Variants in MMP16 observed in about 807,000 individuals in gnomAD.
The protein encoded by MMP16 is matrix metalloproteinase-16.
A neutral mutation model predicts 67.8 loss-of-function variants in MMP16; 12 were observed. The ratio of observed to expected loss-of-function variants is 0.18; its 90% CI spans 0.11 to 0.29. The LOEUF (loss-of-function observed/expected upper bound fraction) is 0.29. MMP16 is among the 10% of genes least tolerant of loss of function. MMP16 has a pLI of 1.00. For missense variants in MMP16, 475 were observed against 765.7 expected, an observed-to-expected ratio of 0.62 and a Z score of 4.48; for synonymous variants, 249 against 255.9, an observed-to-expected ratio of 0.97 and a Z score of 0.26.
chr8:88,059,188 T>C (rs1329511419), intron 7 of MMP16, among the ~76,000 whole-genome samples: 2 of 152,064 alleles, frequency 1.3e-5, no homozygotes, highest in Non-Finnish European at 2.9e-5. Context: ...AAATTTAGGA[T>C]GTGTTGAGAT....
chr8:88,201,644 T>C (rs1428005717), intron 1 of MMP16, among the ~76,000 whole-genome samples: 4 of 152,182 alleles, frequency 2.6e-5, no homozygotes, highest in Non-Finnish European at 5.9e-5. Context: ...TATAATTAAC[T>C]GACTTTCTCA....
At chr8:88,256,327 C>A (rs1272502033) in intron 1 of MMP16, among the ~76,000 whole-genome samples, 5 of 152,050 alleles carry the variant, frequency 3.3e-5, no homozygotes, top group African/African-American at 1.2e-4. Context: ...GTTAAACAGG[C>A]AAATGGGCTA....
rs1809439438 is a variant in MMP16, at chr8:88,116,609, C to T, written c.981G>A (p.Arg327=). 6.2e-7 allele frequency: 1 copy of T among 1,613,744 alleles called. No homozygotes were observed. The highest frequency in any genetic ancestry group is 2.2e-5 in the East Asian group (1 of 44,808). ...PRKNDRPKPP[R]PPTGRPSYPG... is the part of the protein sequence containing the mutation. Reference sequence around the variant, plus strand: ...GATAGGAGGGTCTGCCGGTTGGAGGCCGAGGAGGTTTTGGCCTGTCATTTT... The same window carrying T: ...GATAGGAGGGTCTGCCGGTTGGAGGTCGAGGAGGTTTTGGCCTGTCATTTT... The change falls in exon 6 of 10, where the codon CGG becomes CGA. Residue 327 remains arginine, a synonymous_variant. Transcript: ENST00000286614.
chr8:88,086,019 A>T (rs192170442), intron 6 of MMP16, among the ~76,000 whole-genome samples: 52 of 152,000 alleles, frequency 3.4e-4, no homozygotes, highest in Admixed American at 1.7e-3. Flanking sequence ...ATTAATTTTT[A>T]TCCAATTTCT....
In MMP16 at chr8:88,179,841, G is replaced by A. The variant is rs576914308; in HGVS notation, c.404+6635C>T. Among the ~76,000 whole-genome samples the A allele has an allele frequency of 6.6e-4, 101 of 152,206 alleles. No homozygotes were observed. In the South Asian group the frequency reaches 0.011, roughly 16 times the overall value. On this transcript the variant is annotated intron_variant, in intron 3 of 9. Coordinates refer to ENST00000286614, the MANE Select transcript of MMP16 (RefSeq NM_005941.5). Reference sequence around the variant, plus strand: ...AAGGAGGACAATTGACAGGCTAAGAGAAAATGAAAACATATAAAATGGTCA... The same window carrying A: ...AAGGAGGACAATTGACAGGCTAAGAAAAAATGAAAACATATAAAATGGTCA...
chr8:88,284,255 G>C (rs1369166112), intron 1 of MMP16, among the ~76,000 whole-genome samples: 1 of 152,144 alleles, frequency 6.6e-6, no homozygotes, highest in African/African-American at 2.4e-5. Context: ...AAATGATGCT[G>C]TTTATGTAAC....
chr8:88,296,514 T>C (rs188500160), intron 1 of MMP16, among the ~76,000 whole-genome samples: 1 of 152,250 alleles, frequency 6.6e-6, no homozygotes, highest in Admixed American at 6.5e-5. Context: ...TCTAACAGTA[T>C]AGGTGGTACC....
In MMP16 at chr8:88,269,047, T is replaced by C. The variant is rs547005121; in HGVS notation, c.132+58028A>G. ...CCAGACTGAAGCACTCAGTTTTATATATAACAGACAGTAAGAAGCCACTGC... is the reference window on the plus strand; with the variant it reads ...CCAGACTGAAGCACTCAGTTTTATACATAACAGACAGTAAGAAGCCACTGC... On this transcript the variant is annotated intron_variant, in intron 1 of 9. Transcript: ENST00000286614. Among the ~76,000 whole-genome samples, 444 of 152,212 alleles carry C rather than the reference T, an allele frequency of 2.9e-3. 2 individuals are homozygous for C. The highest frequency in any genetic ancestry group is 3.8e-3 in the Non-Finnish European group (257 of 67,998).
intron 1 of MMP16, among the ~76,000 whole-genome samples, chr8:88,320,969 A>T (rs2130087439): frequency 6.6e-6 from 1 of 152,280 alleles, no homozygotes; most frequent in South Asian, 2.1e-4. Flanking sequence ...ACAACAATCA[A>T]ATATGGTTTC....
chr8:88,233,310 C>A (rs1358361225), intron 1 of MMP16, among the ~76,000 whole-genome samples: 1 of 151,976 alleles, frequency 6.6e-6, no homozygotes, highest in Non-Finnish European at 1.5e-5. Flanking sequence ...CACTTTATAG[C>A]CCAGTCTGCT....
intron 1 of MMP16, among the ~76,000 whole-genome samples, chr8:88,224,602 G>A (rs1446001468): frequency 6.6e-6 from 1 of 151,886 alleles, no homozygotes; most frequent in African/African-American, 2.4e-5. Context: ...AAATGACCAT[G>A]CAGACTATTG....
chr8:88,139,128 C>G (rs1255045117), intron 4 of MMP16, among the ~76,000 whole-genome samples: 1 of 152,090 alleles, frequency 6.6e-6, no homozygotes, highest in African/African-American at 2.4e-5. Context: ...TTGTCTATGT[C>G]TCATTTGCAT....
intron 6 of MMP16, among the ~76,000 whole-genome samples, chr8:88,087,555 C>T (rs1000859929): frequency 6.6e-6 from 1 of 151,820 alleles, no homozygotes; most frequent in Admixed American, 6.6e-5. Flanking sequence ...TTCAATCAGA[C>T]ATGTTCTTTC....
intron 8 of MMP16, among the ~76,000 whole-genome samples, chr8:88,047,243 C>T (rs1041700471): frequency 3.3e-5 from 5 of 151,982 alleles, no homozygotes; most frequent in African/African-American, 4.8e-5. Context: ...TTTATTCATT[C>T]GGTACATATT....
chr8:88,075,769 T>C (rs1369351554), intron 6 of MMP16, among the ~76,000 whole-genome samples: 1 of 152,090 alleles, frequency 6.6e-6, no homozygotes, highest in Non-Finnish European at 1.5e-5. Flanking sequence ...TTTAGACAAG[T>C]ATATATCACA....
rs886561185 is a variant in MMP16 at position 88,041,842 on chromosome 8, A to G, written c.1490-47T>C. ...CACACAGGTACCACTTATTTGTGAC[A>G]GTGTATATGTAGAGAAATGTTACTA... On this transcript the variant is annotated intron_variant, in intron 9 of 9. Coordinates refer to ENST00000286614, the MANE Select transcript of MMP16 (RefSeq NM_005941.5). This position sits in a 1 kb window ranked among gnomAD's most constrained non-coding sequence, Gnocchi z 6.0. 7.2e-7 allele frequency: 1 copy of G among 1,387,104 alleles called. No homozygotes were observed. Among genetic ancestry groups the G allele is most frequent in the Non-Finnish European group, 1.0e-6 (1 of 996,650 alleles). The allele number at this position is 1,387,104 out of a possible 1,614,324, so 85.9% of individuals were successfully genotyped here.
intron 1 of MMP16, among the ~76,000 whole-genome samples, chr8:88,212,705 A>G (rs1809531098): frequency 6.6e-6 from 1 of 152,130 alleles, no homozygotes; most frequent in African/African-American, 2.4e-5. Flanking sequence ...TCTCCACCAT[A>G]AATCCTGTTT....
At chr8:88,238,324 C>T (rs962263690) in intron 1 of MMP16, among the ~76,000 whole-genome samples, 1 of 152,060 alleles carries the variant, frequency 6.6e-6, no homozygotes, top group East Asian at 1.9e-4. Context: ...ACCAGCCTGG[C>T]CAACATGGTG....
chr8:88,100,103 T>C (rs1809114364), intron 6 of MMP16, among the ~76,000 whole-genome samples: 3 of 151,960 alleles, frequency 2.0e-5, no homozygotes, highest in Admixed American at 2.0e-4. Context: ...TTAGATCCCA[T>C]TTGTCAATTT....
Sources: gnomAD v4.1 joint callset for allele counts (sites outside exome capture counted in the v4.1 genomes callset) on GRCh38, gnomAD v4.1.1 for gene constraint, Gnocchi (gnomAD v3.1) non-coding constraint, MANE v1.5 for transcripts, NCBI Gene and HGNC (gene_info 2026-07-23, HGNC 2026-07-21) for gene names.